ANKUB1: variants seen among roughly 807,000 people sequenced by gnomAD.
ANKUB1 encodes the protein ankyrin repeat and ubiquitin domain containing 1.
ANKUB1 carries 42 observed loss-of-function variants against 49.3 expected under a neutral mutation model. The observed-to-expected ratio is 0.85, with a 90% CI of 0.67 to 1.10. The LOEUF is 1.10. ANKUB1 is among the 50% of genes least tolerant of loss of function. The probability of loss-of-function intolerance (pLI) is 0.00; values close to 1 mark genes in which losing one functional copy is unlikely to be tolerated. For missense variants in ANKUB1, 613 were observed against 642.0 expected, an observed-to-expected ratio of 0.95 and a Z score of 0.49; for synonymous variants, 222 against 231.0, an observed-to-expected ratio of 0.96 and a Z score of 0.35.
At position 149,767,890 on chromosome 3, in the gene ANKUB1, C is replaced by A; in HGVS notation, c.772G>T (p.Ala258Ser). 8 of 1,551,470 alleles carry A rather than the reference C, an allele frequency of 5.2e-6. No homozygotes were observed. Among genetic ancestry groups the A allele is most frequent in the Non-Finnish European group, 7.0e-6 (8 of 1,146,816 alleles). The part of the protein sequence containing the change: ...AEAGQLLILK[A>S]FVNYSVLCLE... Reference sequence around the variant, plus strand: ...CACAGCACACTGTAGTTGACAAAGGCCTTCAGAATCAACAGTTGGCCTGCT... The same window carrying A: ...CACAGCACACTGTAGTTGACAAAGGACTTCAGAATCAACAGTTGGCCTGCT... Residue 258 changes from alanine (A) to serine (S), a missense_variant, in exon 5 of 6, where the codon GCC becomes TCC. By Grantham distance (99) the Ala-to-Ser change is moderately conservative. Coordinates refer to ENST00000446160, the MANE Select transcript of ANKUB1 (RefSeq NM_001144960.3).
intron 2 of ANKUB1, among the ~76,000 whole-genome samples, chr3:149,790,553 G>A (rs957311469): frequency 6.6e-6 from 1 of 152,158 alleles, no homozygotes; most frequent in Admixed American, 6.5e-5. Context: ...AGGGTGTGGG[G>A]AGGCAAGAGG....
At chr3:149,763,655 C>T (rs1017849007) in intron 5 of ANKUB1, among the ~76,000 whole-genome samples, 1 of 152,182 alleles carries the variant, frequency 6.6e-6, no homozygotes, top group African/African-American at 2.4e-5. Flanking sequence ...ATAAACCTCT[C>T]TGGAATTGGA....
intron 2 of ANKUB1, among the ~76,000 whole-genome samples, chr3:149,788,634 C>T (rs539739804): frequency 4.7e-4 from 71 of 152,224 alleles, no homozygotes; most frequent in Middle Eastern, 3.4e-3. Flanking sequence ...AAGAGTTCAG[C>T]GTGAAGCTTG....
At position 149,768,753 on chromosome 3, in the gene ANKUB1, C is replaced by T. The variant is rs137992899; in HGVS notation, c.567-658G>A. On this transcript the variant is annotated intron_variant, in intron 4 of 5. Transcript: ENST00000446160. ...AACAGGAATTTCGCTACGTTGGCCA[C>T]GCTGGTGTCGAACTCCTGACCTCAA... Among the ~76,000 whole-genome samples, 633 of 152,104 alleles carry T rather than the reference C, an allele frequency of 4.2e-3. 4 individuals carry two copies. The highest frequency in any genetic ancestry group is 0.012 in the African/African-American group (496 of 41,498).
Position 149,784,721 on chromosome 3 carries a change from A to C in ANKUB1, c.235-4266T>G, listed in dbSNP as rs566659528. Among the ~76,000 whole-genome samples the C allele has an allele frequency of 4.7e-4, 72 of 152,332 alleles. 2 individuals are homozygous for C. In the South Asian group the frequency reaches 0.015, roughly 32 times the overall value. ...CCAACTAAGAACCATGATGTTGGTC[A>C]GGGGAAAAGCCAAGAATACTGGGGA... On this transcript the variant is annotated intron_variant, in intron 2 of 5. Coordinates refer to ENST00000446160, the MANE Select transcript of ANKUB1 (RefSeq NM_001144960.3).
chr3:149,769,624 C>A (rs558408265), intron 4 of ANKUB1, among the ~76,000 whole-genome samples: 1 of 152,228 alleles, frequency 6.6e-6, no homozygotes, highest in Non-Finnish European at 1.5e-5. Context: ...TACAGTTGGG[C>A]AAAATCATCT....
At chr3:149,782,738 C>G (rs900758046) in intron 2 of ANKUB1, among the ~76,000 whole-genome samples, 1 of 152,134 alleles carries the variant, frequency 6.6e-6, no homozygotes, top group African/African-American at 2.4e-5. Context: ...CAGGGCCTAG[C>G]TATGTTGTCC....
At chr3:149,761,929 C>T (rs1219239671) in intron 5 of ANKUB1, among the ~76,000 whole-genome samples, 1 of 152,038 alleles carries the variant, frequency 6.6e-6, no homozygotes, top group Non-Finnish European at 1.5e-5. Flanking sequence ...TCACATATTC[C>T]CTGGCCTCCT....
intron 2 of ANKUB1, among the ~76,000 whole-genome samples, chr3:149,788,093 A>T (rs1467389243): frequency 2.6e-5 from 4 of 152,214 alleles, no homozygotes; most frequent in Admixed American, 1.3e-4. Flanking sequence ...ACAAAGTAAC[A>T]TGATTAAACA....
At position 149,767,240 on chromosome 3, in the gene ANKUB1, T is replaced by A; in HGVS notation, c.1422A>T (p.Leu474Phe). 1.3e-6 allele frequency: 2 copies of A among 1,551,362 alleles called. No individual in the cohort carries two copies. The highest frequency in any genetic ancestry group is 1.7e-6 in the Non-Finnish European group (2 of 1,146,922). The change falls in exon 5 of 6, where the codon TTA (leucine) becomes TTT (phenylalanine). Residue 474 changes from leucine to phenylalanine, a missense_variant. Coordinates refer to ENST00000446160, the MANE Select transcript of ANKUB1 (RefSeq NM_001144960.3). ...FFYATPSADF[L>F]LKSSFSSFLE... is the part of the protein sequence containing the mutation. ...AGAAAGATGAGAAGGAGGACTTCAG[T>A]AAAAAGTCAGCACTGGGTGTTGCAT...
intron 2 of ANKUB1, chr3:149,783,261 A>T (rs1383084434): frequency 6.6e-6 from 1 of 152,222 alleles, no homozygotes. Flanking sequence ...CTCTCTGTCT[A>T]TATGATACTC....
At chr3:149,788,262 G>A (rs1343520461) in intron 2 of ANKUB1, among the ~76,000 whole-genome samples, 2 of 152,182 alleles carry the variant, frequency 1.3e-5, no homozygotes, top group African/African-American at 2.4e-5. Context: ...TTCTCTAAAT[G>A]TGATTCTACC....
Position 149,761,353 on chromosome 3 carries a change from A to G in ANKUB1, c.*131T>C, listed in dbSNP as rs547376962. On this transcript the variant is annotated 3_prime_UTR_variant, in exon 6 of 6. Transcript: ENST00000446160. ...GAGAAAACATGGTGTTAAATATCCT[A>G]TTAAAAGTTATGTGGCATTATAACT... The G allele has an allele frequency of 2.1e-3, 2,355 of 1,097,780 alleles. 3 individuals are homozygous for G. The highest frequency in any genetic ancestry group is 2.8e-3 in the Non-Finnish European group (2,213 of 790,670). 68.0% of individuals were successfully genotyped at this position (1,097,780 alleles called of 1,614,324 possible).
At chr3:149,774,374 G>A (rs1252374449) in intron 3 of ANKUB1, among the ~76,000 whole-genome samples, 2 of 152,084 alleles carry the variant, frequency 1.3e-5, no homozygotes, top group Non-Finnish European at 1.5e-5. Context: ...TGCCTTCCTC[G>A]GCCTTACCGA....
chr3:149,763,275 T>C (rs1391305360), intron 5 of ANKUB1, among the ~76,000 whole-genome samples: 8 of 152,198 alleles, frequency 5.3e-5, no homozygotes, highest in Non-Finnish European at 1.5e-5. Flanking sequence ...AGTCCTCTCC[T>C]GTTCTGATGC....
chr3:149,789,624 A>T (rs987705378), intron 2 of ANKUB1, among the ~76,000 whole-genome samples: 3 of 139,834 alleles, frequency 2.1e-5, no homozygotes. Flanking sequence ...AATATTGAAG[A>T]ATATTCTTTT....
chr3:149,779,921 A>G (rs1717781146), intron 3 of ANKUB1: 1 of 308,090 alleles, frequency 3.2e-6, no homozygotes, highest in Non-Finnish European at 6.2e-6. Flanking sequence ...ATTTAGAAAT[A>G]ATGCCTCCAT....
intron 2 of ANKUB1, among the ~76,000 whole-genome samples, chr3:149,789,463 G>A (rs894971669): frequency 9.2e-5 from 14 of 152,108 alleles, no homozygotes; most frequent in African/African-American, 3.4e-4. Flanking sequence ...AATTTGGTCT[G>A]CTTTGAAATG....
intron 5 of ANKUB1, among the ~76,000 whole-genome samples, chr3:149,764,945 C>G (rs904508261): frequency 1.3e-5 from 2 of 151,808 alleles, no homozygotes; most frequent in Non-Finnish European, 2.9e-5. Flanking sequence ...ATCCTATGAC[C>G]CGGCAATTCT....
Sources: gnomAD v4.1 joint callset for allele counts (sites outside exome capture counted in the v4.1 genomes callset) on GRCh38, gnomAD v4.1.1 for gene constraint, MANE v1.5 for transcripts, NCBI Gene and HGNC (gene_info 2026-07-23, HGNC 2026-07-21) for gene names.